Variants in TSC22D1 observed in about 807,000 individuals in gnomAD.
The protein encoded by TSC22D1 is TSC22 domain family member 1.
TSC22D1 carries 9 observed loss-of-function variants against 74.2 expected under a neutral mutation model. The observed-to-expected ratio is 0.12, with a 90% CI of 0.07 to 0.21. The LOEUF (loss-of-function observed/expected upper bound fraction) is 0.21. Ranked by LOEUF, TSC22D1 falls within the 10% of genes least tolerant of loss-of-function variation. The pLI is 1.00. For missense variants in TSC22D1, 1,427 were observed against 1,304.7 expected (o/e 1.09, Z -1.44); for synonymous variants, 586 against 492.5 (o/e 1.19, Z -2.51).
chr13:44,521,232 A>G (rs1256770179), intron 1 of TSC22D1, among the ~76,000 whole-genome samples: 9 of 152,204 alleles, frequency 5.9e-5, no homozygotes, highest in African/African-American at 1.9e-4. Context: ...ACTATCAAAT[A>G]ATAAAAGATA....
rs1252292356 is a variant in TSC22D1, at chr13:44,517,761, G to A, written c.2912+55402C>T. Among the ~76,000 whole-genome samples, 28 of 42,274 alleles carry A rather than the reference G, an allele frequency of 6.6e-4. No individual in the cohort carries two copies. The South Asian group carries it at 9.5e-3, about 14-fold the overall frequency. 27.7% of individuals were successfully genotyped at this position (42,274 alleles called of 152,430 possible). ...TACATATATACGTATATATGTGTGT[G>A]TGTATATATATATATACACATATAT... is the stretch of plus-strand genomic sequence containing the variant. On this transcript the variant is annotated intron_variant, in intron 1 of 2. Transcript: ENST00000458659.
intron 1 of TSC22D1, among the ~76,000 whole-genome samples, chr13:44,448,419 G>C (rs917480437): frequency 3.4e-4 from 52 of 152,028 alleles, no homozygotes; most frequent in African/African-American, 1.2e-3. Flanking sequence ...GCAGTCTCTT[G>C]GTGACTCTAA....
At chr13:44,529,347 A>G (rs563948374) in intron 1 of TSC22D1, among the ~76,000 whole-genome samples, 2 of 152,244 alleles carry the variant, frequency 1.3e-5, no homozygotes, top group East Asian at 3.9e-4. Flanking sequence ...TAAATGCAGA[A>G]AAAGCACATG....
At chr13:44,512,663 TG>T (rs1285337051) in intron 1 of TSC22D1, among the ~76,000 whole-genome samples, 3 of 142,178 alleles carry the variant, frequency 2.1e-5, no homozygotes, top group Admixed American at 7.1e-5. Context: ...CAATCTTTTT[TG>T]TTTTGTTTTT....
Position 44,576,036 on chromosome 13 carries a change from G to C in TSC22D1, c.39C>G (p.Ala13=). 6.3e-7 allele frequency: 1 copy of C among 1,577,236 alleles called. No homozygotes were observed. The part of the protein sequence containing the change: ...QPPESTAAAA[A]AADISARKMA... ...TCTTCCTAGCGCTAATGTCTGCAGCGGCGGCGGCCGCGGCGGTGGACTCAG... is the reference window on the plus strand; with the variant it reads ...TCTTCCTAGCGCTAATGTCTGCAGCCGCGGCGGCCGCGGCGGTGGACTCAG... Residue 13 remains alanine (A), a synonymous_variant, in exon 1 of 3, where the codon GCC becomes GCG. Transcript: ENST00000458659.
intron 1 of TSC22D1, among the ~76,000 whole-genome samples, chr13:44,567,908 A>G (rs1883489370): frequency 6.6e-6 from 1 of 152,224 alleles, no homozygotes; most frequent in Non-Finnish European, 1.5e-5. Context: ...AAACTTCAGA[A>G]CACTGGAAAC....
chr13:44,479,915 T>C (rs1878100571), intron 1 of TSC22D1, among the ~76,000 whole-genome samples: 1 of 152,244 alleles, frequency 6.6e-6, no homozygotes, highest in Non-Finnish European at 1.5e-5. Context: ...TCTATGATTC[T>C]AGGCTGGCCC....
chr13:44,436,131 G>A (rs900056217), intron 1 of TSC22D1, 36 bp from the exon 2 acceptor site: 1 of 1,599,266 alleles, frequency 6.3e-7, no homozygotes, highest in Non-Finnish European at 8.5e-7. Flanking sequence ...ATCGATAAAT[G>A]GAATTTATCT....
chr13:44,543,963 C>T lies in TSC22D1; in HGVS notation c.2912+29200G>A, dbSNP rs113719339. Among the ~76,000 whole-genome samples the T allele has an allele frequency of 1.7e-3, 261 of 152,124 alleles. 2 individuals carry two copies. The highest frequency in any genetic ancestry group is 5.9e-3 in the African/African-American group (245 of 41,476). On this transcript the variant is annotated intron_variant, in intron 1 of 2. Transcript: ENST00000458659. ...AAAAAATTAGCTGGGCATGGTGGCG[C>T]TCACCTGTAGTCCCACCTACTCGGG...
intron 1 of TSC22D1, among the ~76,000 whole-genome samples, chr13:44,564,272 A>G (rs980171337): frequency 6.6e-6 from 1 of 152,154 alleles, no homozygotes; most frequent in Non-Finnish European, 1.5e-5. Flanking sequence ...CTTTGAATAT[A>G]TGCAGCACAT....
intron 1 of TSC22D1, among the ~76,000 whole-genome samples, chr13:44,521,476 G>A (rs771683860): frequency 2.1e-4 from 32 of 151,178 alleles, no homozygotes; most frequent in Middle Eastern, 3.2e-3. Flanking sequence ...TCTTACCCTT[G>A]CCCCCTCCAC....
intron 1 of TSC22D1, among the ~76,000 whole-genome samples, chr13:44,459,556 C>T (rs2138945258): frequency 6.6e-6 from 1 of 152,294 alleles, no homozygotes; most frequent in Non-Finnish European, 1.5e-5. Flanking sequence ...AGTGGTGGGA[C>T]TGAAAGAGCT....
chr13:44,525,894 G>A (rs1162091485), intron 1 of TSC22D1, among the ~76,000 whole-genome samples: 1 of 151,926 alleles, frequency 6.6e-6, no homozygotes, highest in Non-Finnish European at 1.5e-5. Context: ...TTGATCTCAG[G>A]AGTTTGAACC....
chr13:44,564,947 T>C (rs1340741285), intron 1 of TSC22D1, among the ~76,000 whole-genome samples: 1 of 152,170 alleles, frequency 6.6e-6, no homozygotes, highest in Admixed American at 6.5e-5. Flanking sequence ...CTCAGGTTTC[T>C]AAAGTGAAGA....
At chr13:44,457,798 C>T (rs1053999475) in intron 1 of TSC22D1, among the ~76,000 whole-genome samples, 4 of 152,088 alleles carry the variant, frequency 2.6e-5, no homozygotes, top group African/African-American at 4.8e-5. Flanking sequence ...CCAAAGCCTT[C>T]GGTTGTAGGG....
intron 1 of TSC22D1, among the ~76,000 whole-genome samples, chr13:44,506,068 C>T (rs1373288686): frequency 1.3e-5 from 2 of 152,142 alleles, no homozygotes; most frequent in African/African-American, 4.8e-5. Flanking sequence ...AGTGTGGCTC[C>T]AGAGTCCATG....
intron 1 of TSC22D1, among the ~76,000 whole-genome samples, chr13:44,498,937 A>G (rs1429788137): frequency 1.3e-5 from 2 of 152,240 alleles, no homozygotes; most frequent in Non-Finnish European, 2.9e-5. Flanking sequence ...ACTGAAAACT[A>G]GTCTAAGTCA....
chr13:44,440,418 T>A lies in TSC22D1; in HGVS notation c.2913-4323A>T, dbSNP rs1291018338. Among the ~76,000 whole-genome samples, 5 of 149,374 alleles carry A rather than the reference T, an allele frequency of 3.3e-5. No homozygotes were observed. In the East Asian group the frequency reaches 5.9e-4, roughly 18 times the overall value. On this transcript the variant is annotated intron_variant, in intron 1 of 2. Transcript: ENST00000458659. ...ACATGGTAAAACCCCGTCTCCACTT[T>A]AAAAAAAAACAAAAACAAATAAATT...
intron 1 of TSC22D1, among the ~76,000 whole-genome samples, chr13:44,570,318 G>C (rs947037352): frequency 2.0e-5 from 3 of 151,660 alleles, no homozygotes; most frequent in African/African-American, 7.3e-5. Context: ...AGCCTTCCAG[G>C]TAGCTGGAAC....
Sources: gnomAD v4.1 joint callset for allele counts (sites outside exome capture counted in the v4.1 genomes callset) on GRCh38, gnomAD v4.1.1 for gene constraint, MANE v1.5 for transcripts, NCBI Gene and HGNC (gene_info 2026-07-23, HGNC 2026-07-21) for gene names.